The following CDKN2B-AS1 variants were observed in gnomAD, a reference collection of about 807,000 sequenced individuals.
The protein encoded by CDKN2B-AS1 is CDKN2B antisense RNA 1 (non-protein coding).
intron 4 of CDKN2B-AS1, among the ~76,000 whole-genome samples, chr9:22,076,362 C>T (rs941117850): frequency 3.3e-5 from 5 of 151,874 alleles, no homozygotes; most frequent in African/African-American, 1.2e-4. Flanking sequence ...CTGAGTTTAA[C>T]ATAAACAAAG....
At chr9:22,058,744 G>A (rs1397249109) in intron 4 of CDKN2B-AS1, 2 of 156,284 alleles carry the variant, frequency 1.3e-5, no homozygotes, top group Non-Finnish European at 2.8e-5. Context: ...GTCACTATAT[G>A]TATTAATCTG....
At chr9:22,100,182 A>C (rs1444364433) in intron 4 of CDKN2B-AS1, among the ~76,000 whole-genome samples, 1 of 152,110 alleles carries the variant, frequency 6.6e-6, no homozygotes, top group African/African-American at 2.4e-5. Flanking sequence ...CCACGGTATA[A>C]TTTCACCCAT....
intron 4 of CDKN2B-AS1, among the ~76,000 whole-genome samples, chr9:22,072,110 C>T (rs1039099634): frequency 2.0e-5 from 3 of 152,156 alleles, no homozygotes; most frequent in African/African-American, 7.2e-5. Flanking sequence ...AATGTCATTG[C>T]ATTTGGATCA....
chr9:22,050,116 G>T (rs976929140), intron 3 of CDKN2B-AS1, among the ~76,000 whole-genome samples: 1 of 152,182 alleles, frequency 6.6e-6, no homozygotes, highest in African/African-American at 2.4e-5. Context: ...ACATTAAAAA[G>T]TTGAATGTAT....
intron 1 of CDKN2B-AS1, among the ~76,000 whole-genome samples, chr9:22,033,676 A>G (rs1206888700): frequency 6.6e-6 from 1 of 152,228 alleles, no homozygotes; most frequent in Non-Finnish European, 1.5e-5. Flanking sequence ...CCAGCAGATT[A>G]TCATCCATAG....
chr9:22,052,745 C>G (rs543697023), intron 3 of CDKN2B-AS1, among the ~76,000 whole-genome samples: 1 of 152,354 alleles, frequency 6.6e-6, no homozygotes, highest in African/African-American at 2.4e-5. Context: ...TTCTCATCTC[C>G]TTTGTTGGCA....
intron 1 of CDKN2B-AS1, among the ~76,000 whole-genome samples, chr9:22,045,029 ATTAT>A (rs1279074504): frequency 1.6e-5 from 2 of 125,674 alleles, no homozygotes; most frequent in South Asian, 2.8e-4. Flanking sequence ...TTGGAAAAAT[ATTAT>A]TTATTTGTGT....
intron 4 of CDKN2B-AS1, among the ~76,000 whole-genome samples, chr9:22,066,590 T>C (rs1246549210): frequency 6.6e-6 from 1 of 152,044 alleles, no homozygotes; most frequent in African/African-American, 2.4e-5. Flanking sequence ...TATGCTAAAA[T>C]TAAAATACGA....
chr9:22,091,489 C>G (rs1031631125), intron 4 of CDKN2B-AS1, among the ~76,000 whole-genome samples: 7 of 152,072 alleles, frequency 4.6e-5, no homozygotes, highest in Admixed American at 4.6e-4. Context: ...TGTTTGTATC[C>G]TCTTTTATTT....
chr9:22,105,444 A>G (rs1467241374), intron 4 of CDKN2B-AS1, among the ~76,000 whole-genome samples: 1 of 152,196 alleles, frequency 6.6e-6, no homozygotes, highest in Non-Finnish European at 1.5e-5. Flanking sequence ...GCATGATTGC[A>G]TGAAGCGGGG....
intron 4 of CDKN2B-AS1, among the ~76,000 whole-genome samples, chr9:22,086,666 C>T (rs1824877209): frequency 6.6e-6 from 1 of 152,190 alleles, no homozygotes; most frequent in Non-Finnish European, 1.5e-5. Context: ...CTTTCTCCTG[C>T]TCACAGGGTC....
intron 1 of CDKN2B-AS1, among the ~76,000 whole-genome samples, chr9:22,042,606 C>T (rs2131266704): frequency 6.6e-6 from 1 of 152,166 alleles, no homozygotes; most frequent in Middle Eastern, 3.4e-3. Flanking sequence ...CCACTGTGGC[C>T]CAATGGAAGC....
At chr9:22,085,300 T>A (rs1824829970) in intron 4 of CDKN2B-AS1, among the ~76,000 whole-genome samples, 1 of 152,214 alleles carries the variant, frequency 6.6e-6, no homozygotes. Context: ...AAGCTTACCC[T>A]CAAGGTATGC....
At chr9:22,075,708 G>A (rs931231011) in intron 4 of CDKN2B-AS1, among the ~76,000 whole-genome samples, 1 of 152,190 alleles carries the variant, frequency 6.6e-6, no homozygotes. Flanking sequence ...GGGTGATGGT[G>A]CCTCTGTGAT....
At chr9:22,063,162 A>T (rs1197465738) in intron 4 of CDKN2B-AS1, among the ~76,000 whole-genome samples, 1 of 152,134 alleles carries the variant, frequency 6.6e-6, no homozygotes, top group East Asian at 1.9e-4. Flanking sequence ...TCAAGAGGAT[A>T]ACTGAAGCTA....
intron 1 of CDKN2B-AS1, among the ~76,000 whole-genome samples, chr9:22,020,361 A>G (rs184786375): frequency 6.6e-6 from 1 of 152,334 alleles, no homozygotes; most frequent in East Asian, 1.9e-4. Context: ...TCTTCATAAT[A>G]GAATGATTTA....
intron 1 of CDKN2B-AS1, chr9:22,029,795 A>T: frequency 3.3e-6 from 1 of 299,044 alleles, no homozygotes; most frequent in East Asian, 6.1e-5. Context: ...AATCACTAAG[A>T]TGTTAGTATT....
intron 1 of CDKN2B-AS1, among the ~76,000 whole-genome samples, chr9:22,031,907 G>T (rs1356609985): frequency 6.6e-6 from 1 of 152,202 alleles, no homozygotes; most frequent in African/African-American, 2.4e-5. Context: ...GGCTCACATG[G>T]CAGGGACCTG....
At chr9:22,013,577 G>A (rs1359264630) in intron 1 of CDKN2B-AS1, among the ~76,000 whole-genome samples, 3 of 151,992 alleles carry the variant, frequency 2.0e-5, no homozygotes, top group Non-Finnish European at 2.9e-5. Context: ...TCATCCTCCA[G>A]AGTAGATGGG....
Sources: allele counts gnomAD v4.1 joint callset (sites outside exome capture counted in the v4.1 genomes callset), GRCh38; gene constraint gnomAD v4.1.1; transcripts MANE v1.5; gene names NCBI Gene and HGNC (gene_info 2026-07-23, HGNC 2026-07-21).